The following NPFFR1 variants were observed in gnomAD, a reference collection of about 807,000 sequenced individuals.
NPFFR1 encodes neuropeptide FF receptor 1, also known as G-protein coupled receptor 147.
NPFFR1 carries 17 observed loss-of-function variants against 12.7 expected under a neutral mutation model. The ratio of observed to expected loss-of-function variants is 1.34; its 90% CI spans 0.92 to 2.01. NPFFR1 has a LOEUF of 2.01. Among genes scored for constraint, NPFFR1 ranks in the 30% most tolerant of loss-of-function variants. The probability of loss-of-function intolerance (pLI) is 0.00; values close to 1 mark genes in which losing one functional copy is unlikely to be tolerated. For synonymous variants in NPFFR1, 296 were observed against 264.5 expected, an observed-to-expected ratio of 1.12 and a Z score of -1.16; for missense variants, 604 against 606.5, an observed-to-expected ratio of 1.00 and a Z score of 0.04.
At chr10:70,274,111 C>T (rs554156640) in intron 1 of NPFFR1, among the ~76,000 whole-genome samples, 3 of 152,268 alleles carry the variant, frequency 2.0e-5, no homozygotes, top group East Asian at 3.9e-4. Flanking sequence ...AATCAGAAAG[C>T]GTGGCCTTGA....
chr10:70,266,385 G>A lies in NPFFR1; in HGVS notation c.14C>T (p.Pro5Leu), dbSNP rs1445475904. 5 of 1,611,540 alleles carry A rather than the reference G, an allele frequency of 3.1e-6. No homozygotes were observed. In the South Asian group the frequency reaches 5.5e-5, roughly 18 times the overall value. ...CCAACTGCTGTTGGGAGGCTGGGAG[G>A]GCTCCCCTAGGACCAAAGGAATATA... is the stretch of plus-strand genomic sequence containing the variant. MEGE[P>L]SQPPNSSWPL... The change falls in exon 2 of 4, where the codon CCC (proline) becomes CTC (leucine). Residue 5 changes from proline to leucine, a missense_variant. Physicochemically the swap from Pro to Leu is moderately conservative, Grantham distance 98. Transcript: ENST00000277942.
chr10:70,254,918 C>A lies in NPFFR1; in HGVS notation c.*39G>T, dbSNP rs754740640. 1.1e-5 allele frequency: 15 copies of A among 1,390,130 alleles called. No individual in the cohort carries two copies. The highest frequency in any genetic ancestry group is 1.4e-5 in the Non-Finnish European group (15 of 1,078,280). The allele number at this position is 1,390,130 out of a possible 1,614,324, so 86.1% of individuals were successfully genotyped here. ...CGCCTGCATGTATCTCGTGTCCAAT[C>A]GGGGCCCTGAGGCAGCGTCCCGCCC... On this transcript the variant is annotated 3_prime_UTR_variant, in exon 4 of 4. Transcript: ENST00000277942.
intron 3 of NPFFR1, among the ~76,000 whole-genome samples, chr10:70,257,946 C>G (rs1044360483): frequency 2.0e-5 from 3 of 152,182 alleles, no homozygotes; most frequent in Non-Finnish European, 2.9e-5. Flanking sequence ...GACATAGATT[C>G]TATTGCTCAC....
intron 3 of NPFFR1, among the ~76,000 whole-genome samples, chr10:70,258,572 T>G (rs750023567): frequency 3.3e-5 from 5 of 152,210 alleles, no homozygotes; most frequent in Non-Finnish European, 7.3e-5. Context: ...TAGTATGACC[T>G]ACTCTGTTGG....
At chr10:70,276,556 G>A (rs1382116691) in intron 1 of NPFFR1, among the ~76,000 whole-genome samples, 1 of 150,192 alleles carries the variant, frequency 6.7e-6, no homozygotes, top group Non-Finnish European at 1.5e-5. Context: ...GAGCATGAGA[G>A]ACCGAATTTA....
intron 2 of NPFFR1, among the ~76,000 whole-genome samples, chr10:70,261,826 G>A (rs1334160002): frequency 1.3e-5 from 2 of 152,146 alleles, no homozygotes; most frequent in African/African-American, 4.8e-5. Flanking sequence ...CTGTCACTGA[G>A]GCTGGAGTAC....
At chr10:70,280,102 C>T (rs192100869) in intron 1 of NPFFR1, among the ~76,000 whole-genome samples, 3 of 152,304 alleles carry the variant, frequency 2.0e-5, no homozygotes, top group Non-Finnish European at 4.4e-5. Flanking sequence ...TGTTTACATA[C>T]CCCATGTTCC....
chr10:70,260,714 G>C lies in NPFFR1; in HGVS notation c.348C>G (p.Cys116Trp). 6.2e-7 allele frequency: 1 copy of C among 1,607,198 alleles called. No individual in the cohort carries two copies. The highest frequency in any genetic ancestry group is 8.5e-7 in the Non-Finnish European group (1 of 1,176,874). ...ITGWPFDNATCKMSGLVQGMS... is the reference protein window; with the variant it reads ...ITGWPFDNATWKMSGLVQGMS... ...TGCCCTGCACCAAGCCGCTCATCTT[G>C]CATGTGGCATTGTCGAAGGGCCACC... is the stretch of plus-strand genomic sequence containing the variant. The change falls in exon 3 of 4, where the codon TGC (cysteine) becomes TGG (tryptophan). Residue 116 changes from cysteine (C) to tryptophan (W), a missense_variant. Transcript: ENST00000277942.
chr10:70,255,541 C>T lies in NPFFR1; in HGVS notation c.709G>A (p.Ala237Thr), dbSNP rs1203191957. 4 of 1,550,052 alleles carry T rather than the reference C, an allele frequency of 2.6e-6. No individual in the cohort carries two copies. The highest frequency in any genetic ancestry group is 3.5e-6 in the Non-Finnish European group (4 of 1,146,560). ...APLALIVVMYARIARKLCQAP... is the reference protein window; with the variant it reads ...APLALIVVMYTRIARKLCQAP... ...TGGCAGAGCTTGCGCGCGATGCGGG[C>T]GTACATGACCACGATGAGCGCCAGC... Residue 237 changes from alanine (A) to threonine (T), a missense_variant, in exon 4 of 4, where the codon GCC (alanine) becomes ACC (threonine). Transcript: ENST00000277942. This position sits in a 1 kb window ranked among gnomAD's most constrained non-coding sequence, Gnocchi z 4.2.
chr10:70,277,302 G>T (rs567651008), intron 1 of NPFFR1, among the ~76,000 whole-genome samples: 1 of 152,232 alleles, frequency 6.6e-6, no homozygotes, highest in Non-Finnish European at 1.5e-5. Context: ...TAGACCATTT[G>T]TGCAGACCTG....
chr10:70,247,921 A>G lies in NPFFR1; in HGVS notation c.*7036T>C, dbSNP rs762885968. 1 of 152,236 alleles carries G rather than the reference A, an allele frequency of 6.6e-6. No individual in the cohort carries two copies. The highest frequency in any genetic ancestry group is 1.5e-5 in the Non-Finnish European group (1 of 68,050). The allele number at this position is 152,236 out of a possible 1,614,324, so 9.4% of individuals were successfully genotyped here. On this transcript the variant is annotated 3_prime_UTR_variant, in exon 4 of 4. Coordinates refer to ENST00000277942, the MANE Select transcript of NPFFR1 (RefSeq NM_022146.5). ...TGTGGTATTGAGTCAAACTAAATTTAAACCTTTTACCTAAACTGCTGGTAT... is the reference window on the plus strand; with the variant it reads ...TGTGGTATTGAGTCAAACTAAATTTGAACCTTTTACCTAAACTGCTGGTAT...
At position 70,271,279 on chromosome 10, in the gene NPFFR1, A is replaced by C. The variant is rs571024412; in HGVS notation, c.8-4888T>G. 5.9e-5 allele frequency among the ~76,000 whole-genome samples: 9 copies of C among 152,272 alleles called. No individual in the cohort carries two copies. The South Asian group carries it at 1.9e-3, about 32-fold the overall frequency. ...TGTAGTCACAGTACTTTGGGAGGCC[A>C]AGGTGGGAGGATCACTTGAGCTCAG... On this transcript the variant is annotated intron_variant, in intron 1 of 3. Coordinates refer to ENST00000277942, the MANE Select transcript of NPFFR1 (RefSeq NM_022146.5).
At chr10:70,257,085 G>A (rs1485400822) in intron 3 of NPFFR1, among the ~76,000 whole-genome samples, 1 of 152,132 alleles carries the variant, frequency 6.6e-6, no homozygotes, top group African/African-American at 2.4e-5. Flanking sequence ...TGGGAAACAT[G>A]GTGAAACCCC....
chr10:70,260,787 G>A (rs1282437441), intron 2 of NPFFR1, 48 bp from the exon 3 acceptor site: 1 of 1,505,150 alleles, frequency 6.6e-7, no homozygotes, highest in Non-Finnish European at 9.1e-7. Context: ...CACGCATCAA[G>A]AGCCAGAGAC....
At chr10:70,267,663 T>A (rs1291944739) in intron 1 of NPFFR1, among the ~76,000 whole-genome samples, 1 of 152,222 alleles carries the variant, frequency 6.6e-6, no homozygotes, top group Non-Finnish European at 1.5e-5. Flanking sequence ...GGGTGACTCA[T>A]GATGTTGTGT....
intron 1 of NPFFR1, among the ~76,000 whole-genome samples, chr10:70,282,964 A>G (rs780105410): frequency 2.7e-4 from 41 of 152,070 alleles, no homozygotes; most frequent in Non-Finnish European, 5.0e-4. Flanking sequence ...GGAGGATATC[A>G]CCTCTAGAAT....
At chr10:70,263,337 G>C (rs762448641) in intron 2 of NPFFR1, among the ~76,000 whole-genome samples, 1 of 152,152 alleles carries the variant, frequency 6.6e-6, no homozygotes, top group Non-Finnish European at 1.5e-5. Flanking sequence ...GCAGTGGCGT[G>C]ATCTCGCTCA....
intron 3 of NPFFR1, among the ~76,000 whole-genome samples, chr10:70,256,135 G>T (rs890956488): frequency 1.3e-5 from 2 of 149,976 alleles, no homozygotes; most frequent in Non-Finnish European, 3.0e-5. Context: ...GTGCAGTGGC[G>T]CGATTACGGC....
rs1041953778 is a variant in NPFFR1 at position 70,283,958 on chromosome 10, G to T, written c.-282C>A. 1.7e-4 allele frequency among the ~76,000 whole-genome samples: 26 copies of T among 152,122 alleles called. No individual in the cohort carries two copies. The highest frequency in any genetic ancestry group is 6.5e-5 in the Admixed American group (1 of 15,270). On this transcript the variant is annotated 5_prime_UTR_variant, in exon 1 of 4. Transcript: ENST00000277942. ...GCCGCCCCTCGCCTCCCGACCAGGG[G>T]AAGGAGGGGGCTCGTGAGGCGCAGT... is the stretch of plus-strand genomic sequence containing the variant.
Sources: allele counts gnomAD v4.1 joint callset (sites outside exome capture counted in the v4.1 genomes callset), GRCh38; gene constraint gnomAD v4.1.1; non-coding constraint Gnocchi (gnomAD v3.1); transcripts MANE v1.5; gene names NCBI Gene and HGNC (gene_info 2026-07-23, HGNC 2026-07-21).